PLEKHA5: variants seen among roughly 807,000 people sequenced by gnomAD.
PLEKHA5 encodes pleckstrin homology domain containing A5, also known as pleckstrin homology domain-containing family A member 5.
In PLEKHA5, 55 loss-of-function variants were observed where a neutral mutation model predicts 181.9. That is an observed-to-expected ratio of 0.30 (90% CI 0.24 to 0.38). PLEKHA5 has a LOEUF of 0.38. Ranked by LOEUF, PLEKHA5 falls within the 10% of genes least tolerant of loss-of-function variation. PLEKHA5 has a pLI of 1.00. For synonymous variants in PLEKHA5, 535 were observed against 529.4 expected, an observed-to-expected ratio of 1.01 and a Z score of -0.15; for missense variants, 1,432 against 1,549.5, an observed-to-expected ratio of 0.92 and a Z score of 1.27.
chr12:19,230,356 G>A (rs181518320), intron 3 of PLEKHA5, among the ~76,000 whole-genome samples: 46 of 152,302 alleles, frequency 3.0e-4, no homozygotes, highest in African/African-American at 8.9e-4. Context: ...CATGCCGTGC[G>A]CCCGCACTCC....
At chr12:19,151,825 C>T (rs1591822746) in intron 3 of PLEKHA5, 1 of 149,006 alleles carries the variant, frequency 6.7e-6, no homozygotes, top group African/African-American at 2.5e-5. Context: ...ATTCAAGGAT[C>T]AAGATTTTCA....
At position 19,198,698 on chromosome 12, in the gene PLEKHA5, A is replaced by G. The variant is rs191262840; in HGVS notation, c.228-55242A>G. Among the ~76,000 whole-genome samples, 254 of 152,244 alleles carry G rather than the reference A, an allele frequency of 1.7e-3. 2 individuals are homozygous for G. Among genetic ancestry groups the G allele is most frequent in the African/African-American group, 5.8e-3 (239 of 41,552 alleles). On this transcript the variant is annotated intron_variant, in intron 3 of 31. Coordinates refer to ENST00000429027, the MANE Select transcript of PLEKHA5 (RefSeq NM_001256470.2). ...AAGGGAGCAGATTTTTTTAATTACA[A>G]ATTTTTAATACTTAAGATATTAACT... is the stretch of plus-strand genomic sequence containing the variant.
intron 3 of PLEKHA5, among the ~76,000 whole-genome samples, chr12:19,195,051 T>A (rs1592015350): frequency 6.6e-6 from 1 of 152,158 alleles, no homozygotes; most frequent in Non-Finnish European, 1.5e-5. Context: ...CTCATGGTAA[T>A]GTTCACAATA....
chr12:19,290,702 T>C lies in PLEKHA5; in HGVS notation c.1889T>C (p.Ile630Thr). Reference protein sequence around the residue: ...KTPEELTLLLIKLRRQQAELS... With the variant: ...KTPEELTLLLTKLRRQQAELS... ...CCAGAGGAGCTTACGCTGCTGCTAA[T>C]AAAGCTGAGACGGCAGCAAGCCGAA... Residue 630 changes from isoleucine to threonine, a missense_variant, in exon 14 of 32, where the codon ATA becomes ACA. By Grantham distance (89) the Ile-to-Thr change is moderately conservative. This residue lies in a region of PLEKHA5 where 1,143 missense variants were observed against 1,168.4 expected (regional missense o/e 0.98). Transcript: ENST00000429027. 6.5e-7 allele frequency: 1 copy of C among 1,534,774 alleles called. No individual in the cohort carries two copies. The highest frequency in any genetic ancestry group is 8.7e-7 in the Non-Finnish European group (1 of 1,145,800).
At chr12:19,327,803 C>A (rs1321510772) in intron 20 of PLEKHA5, among the ~76,000 whole-genome samples, 1 of 152,012 alleles carries the variant, frequency 6.6e-6, no homozygotes, top group Non-Finnish European at 1.5e-5. Flanking sequence ...CGCTACCAAG[C>A]CTGGCTACTT....
At chr12:19,208,506 T>C (rs1263452995) in intron 3 of PLEKHA5, among the ~76,000 whole-genome samples, 1 of 152,186 alleles carries the variant, frequency 6.6e-6, no homozygotes, top group Non-Finnish European at 1.5e-5. Flanking sequence ...TGTTGTCTGC[T>C]CCATTGGCCC....
At chr12:19,251,499 C>T (rs1218037261) in intron 3 of PLEKHA5, among the ~76,000 whole-genome samples, 2 of 151,396 alleles carry the variant, frequency 1.3e-5, no homozygotes, top group East Asian at 1.9e-4. Flanking sequence ...ACTGAAGTAG[C>T]TGGTACATGT....
chr12:19,360,977 G>C (rs1331586785), intron 28 of PLEKHA5, among the ~76,000 whole-genome samples: 1 of 151,896 alleles, frequency 6.6e-6, no homozygotes, highest in African/African-American at 2.4e-5. Flanking sequence ...GGCTGGTCTC[G>C]AACTCCTGAC....
rs117344079 is a variant in PLEKHA5, at chr12:19,230,699, A to G, written c.228-23241A>G. On this transcript the variant is annotated intron_variant, in intron 3 of 31. Coordinates refer to ENST00000429027, the MANE Select transcript of PLEKHA5 (RefSeq NM_001256470.2). ...CCACCTGAAACTTGCGCTGGCCCAC[A>G]AGCGCTACGTGCACCCCGGTTCCCA... 3.8e-3 allele frequency among the ~76,000 whole-genome samples: 572 copies of G among 152,176 alleles called. 13 individuals are homozygous for G. In the East Asian group the frequency reaches 0.06, roughly 16 times the overall value.
chr12:19,229,051 G>C (rs900094130), intron 3 of PLEKHA5, among the ~76,000 whole-genome samples: 2 of 152,128 alleles, frequency 1.3e-5, no homozygotes, highest in Non-Finnish European at 2.9e-5. Context: ...AAAGAAATCT[G>C]CCCTCCAGTA....
chr12:19,333,488 T>C (rs1337101288), intron 20 of PLEKHA5, among the ~76,000 whole-genome samples: 4 of 150,260 alleles, frequency 2.7e-5, no homozygotes, highest in Non-Finnish European at 5.9e-5. Context: ...ACTCGGGAGG[T>C]CGATGCAGAA....
At chr12:19,250,817 A>T (rs2152519367) in intron 3 of PLEKHA5, among the ~76,000 whole-genome samples, 1 of 152,256 alleles carries the variant, frequency 6.6e-6, no homozygotes, top group East Asian at 1.9e-4. Flanking sequence ...GTAGTGCAAT[A>T]CGTATTGCAA....
intron 3 of PLEKHA5, among the ~76,000 whole-genome samples, chr12:19,138,987 C>T (rs1514832): frequency 0.87 from 132,325 of 152,112 alleles, 58,266 homozygotes; most frequent in Non-Finnish European, 0.96. Context: ...AGGGAGATTT[C>T]AATACAGGCA....
chr12:19,281,744 A>T (rs1479066484), intron 11 of PLEKHA5, among the ~76,000 whole-genome samples: 1 of 149,758 alleles, frequency 6.7e-6, no homozygotes, highest in African/African-American at 2.4e-5. Flanking sequence ...ATAAACTCAA[A>T]AGAGTATGTT....
At position 19,354,725 on chromosome 12, in the gene PLEKHA5, G is replaced by T. The variant is rs879262225; in HGVS notation, c.3138+723G>T. ...TCTCAATCTCCTGACCTTGTGATCCGCCCGCCTCGGCCTCCCAAACTGCTG... is the reference window on the plus strand; with the variant it reads ...TCTCAATCTCCTGACCTTGTGATCCTCCCGCCTCGGCCTCCCAAACTGCTG... On this transcript the variant is annotated intron_variant, in intron 26 of 31. Transcript: ENST00000429027. Among the ~76,000 whole-genome samples, 4 of 151,776 alleles carry T rather than the reference G, an allele frequency of 2.6e-5. No individual in the cohort carries two copies. The Middle Eastern group carries it at 0.014, about 516-fold the overall frequency.
intron 3 of PLEKHA5, among the ~76,000 whole-genome samples, chr12:19,206,958 G>T (rs1361647162): frequency 6.6e-6 from 1 of 152,112 alleles, no homozygotes; most frequent in Non-Finnish European, 1.5e-5. Flanking sequence ...CACAGACTGT[G>T]ACAAAGATTC....
chr12:19,249,046 C>T (rs1476056826), intron 3 of PLEKHA5, among the ~76,000 whole-genome samples: 1 of 152,082 alleles, frequency 6.6e-6, no homozygotes, highest in African/African-American at 2.4e-5. Flanking sequence ...AAATTAGGCA[C>T]AGTGGGACAG....
chr12:19,142,191 A>G (rs1156723217), intron 3 of PLEKHA5, among the ~76,000 whole-genome samples: 2 of 148,104 alleles, frequency 1.4e-5, no homozygotes, highest in African/African-American at 2.6e-5. Flanking sequence ...GTGACCCCCA[A>G]TCTCTACAAA....
chr12:19,194,066 A>G (rs1015792964), intron 3 of PLEKHA5, among the ~76,000 whole-genome samples: 1 of 152,108 alleles, frequency 6.6e-6, no homozygotes, highest in Non-Finnish European at 1.5e-5. Context: ...AACATTGGGG[A>G]TTGCATTTCA....
Sources: allele counts gnomAD v4.1 joint callset (sites outside exome capture counted in the v4.1 genomes callset), GRCh38; gene constraint gnomAD v4.1.1; regional missense constraint gnomAD v4.1.1; transcripts MANE v1.5; gene names NCBI Gene and HGNC (gene_info 2026-07-23, HGNC 2026-07-21).